PTK2: variants seen among roughly 807,000 people sequenced by gnomAD.
The protein encoded by PTK2 is focal adhesion kinase 1.
Under a neutral mutation model 150.1 loss-of-function variants are expected in PTK2, and 45 were observed. That is an observed-to-expected ratio of 0.30 (90% confidence interval 0.24 to 0.38). The LOEUF is 0.38. PTK2 is among the 10% of genes least tolerant of loss of function. The probability of loss-of-function intolerance (pLI) is 1.00; values close to 1 mark genes in which losing one functional copy is unlikely to be tolerated. For missense variants in PTK2, 919 were observed against 1,307.3 expected, an observed-to-expected ratio of 0.70 and a Z score of 4.58; for synonymous variants, 432 against 449.2, an observed-to-expected ratio of 0.96 and a Z score of 0.48.
chr8:140,970,921 T>C (rs2100187034), intron 1 of PTK2, among the ~76,000 whole-genome samples: 1 of 151,856 alleles, frequency 6.6e-6, no homozygotes, highest in Non-Finnish European at 1.5e-5. Context: ...AAAAACTTGC[T>C]TAAGACTATA....
intron 1 of PTK2, among the ~76,000 whole-genome samples, chr8:140,961,016 T>C (rs914497019): frequency 6.6e-6 from 1 of 152,192 alleles, no homozygotes; most frequent in African/African-American, 2.4e-5. Flanking sequence ...AAAGAGCACT[T>C]TTCCTTGGAA....
At chr8:140,712,682 C>T (rs537246501) in intron 23 of PTK2, among the ~76,000 whole-genome samples, 1 of 152,250 alleles carries the variant, frequency 6.6e-6, no homozygotes, top group South Asian at 2.1e-4. Context: ...TATAGAGATC[C>T]TCCCAATGTT....
At chr8:140,702,128 C>CAAAAA (rs749591009) in intron 25 of PTK2, among the ~76,000 whole-genome samples, 15 of 42,718 alleles carry the variant, frequency 3.5e-4, no homozygotes, top group Admixed American at 4.7e-4. Context: ...ACTCTGTCTC[C>CAAAAA]AAAAAAAAAA....
intron 23 of PTK2, among the ~76,000 whole-genome samples, chr8:140,714,251 A>G (rs541215939): frequency 3.9e-5 from 6 of 152,162 alleles, no homozygotes; most frequent in Non-Finnish European, 8.8e-5. Context: ...TATAAAACTT[A>G]CAAAACTTTT....
Position 140,783,888 on chromosome 8 carries a change from G to C in PTK2, c.1177+5586C>G, listed in dbSNP as rs143420893. Among the ~76,000 whole-genome samples the C allele has an allele frequency of 2.2e-3, 340 of 152,290 alleles. 2 individuals are homozygous for C. Among genetic ancestry groups the C allele is most frequent in the African/African-American group, 7.6e-3 (314 of 41,554 alleles). On this transcript the variant is annotated intron_variant, in intron 14 of 31. Coordinates refer to ENST00000522684, the Ensembl canonical transcript of PTK2. ...AAAGTATCACAAAGGGCCAGGCGTGGTGGCTCACGACTAATTTTAATTCCA... is the reference window on the plus strand; with the variant it reads ...AAAGTATCACAAAGGGCCAGGCGTGCTGGCTCACGACTAATTTTAATTCCA...
At chr8:140,701,843 A>G (rs569069095) in intron 25 of PTK2, among the ~76,000 whole-genome samples, 76 of 152,156 alleles carry the variant, frequency 5.0e-4, no homozygotes, top group African/African-American at 1.8e-3. Flanking sequence ...TCATTAAAAT[A>G]TGACCGGGTG....
At chr8:140,684,817 C>T (rs1390538458) in intron 27 of PTK2, among the ~76,000 whole-genome samples, 4 of 152,084 alleles carry the variant, frequency 2.6e-5, no homozygotes, top group South Asian at 2.1e-4. Flanking sequence ...ATGGTCATAC[C>T]GCCCAAAGCT....
At position 140,995,253 on chromosome 8, in the gene PTK2, C is replaced by T. The variant is rs1373786952; in HGVS notation, c.-122+5872G>A. Among the ~76,000 whole-genome samples the T allele has an allele frequency of 2.6e-5, 4 of 151,638 alleles. No homozygotes were observed. The South Asian group carries it at 8.4e-4, about 32-fold the overall frequency. On this transcript the variant is annotated intron_variant, in intron 1 of 31. Coordinates refer to ENST00000522684, the Ensembl canonical transcript of PTK2. ...AAAAAATTAGCCAGGCATGGTGGCA[C>T]GTGCCTGTAGTCCCAGCTACTCCAG...
chr8:140,778,697 G>A (rs1390409958), intron 14 of PTK2, among the ~76,000 whole-genome samples: 1 of 152,190 alleles, frequency 6.6e-6, no homozygotes, highest in Non-Finnish European at 1.5e-5. Context: ...CCAAACAAAC[G>A]AGTAGGGCAG....
At chr8:141,000,290 T>A (rs1158335316) in intron 1 of PTK2, among the ~76,000 whole-genome samples, 1 of 152,168 alleles carries the variant, frequency 6.6e-6, no homozygotes, top group Non-Finnish European at 1.5e-5. Flanking sequence ...CAGTGAGGGC[T>A]CCAGGGCTCC....
At chr8:140,823,751 A>G (rs937227158) in intron 8 of PTK2, among the ~76,000 whole-genome samples, 4 of 152,240 alleles carry the variant, frequency 2.6e-5, no homozygotes, top group African/African-American at 9.6e-5. Context: ...AGTCCCACCC[A>G]GTTCAGATTC....
intron 26 of PTK2, among the ~76,000 whole-genome samples, chr8:140,687,612 T>C (rs1241916753): frequency 6.6e-6 from 1 of 152,210 alleles, no homozygotes; most frequent in African/African-American, 2.4e-5. Flanking sequence ...ACTTGTTGGG[T>C]GGGGGATGGA....
At chr8:140,965,226 T>G (rs2100184830) in intron 1 of PTK2, among the ~76,000 whole-genome samples, 1 of 152,218 alleles carries the variant, frequency 6.6e-6, no homozygotes, top group African/African-American at 2.4e-5. Context: ...AATCCTACAC[T>G]CTGGCAAAAC....
At chr8:140,924,673 T>C (rs1465983317) in intron 2 of PTK2, among the ~76,000 whole-genome samples, 1 of 152,168 alleles carries the variant, frequency 6.6e-6, no homozygotes, top group Non-Finnish European at 1.5e-5. Context: ...TACATACTTA[T>C]TGAATGAATA....
At chr8:141,000,126 C>CACACACACACACACACA (rs1555522723) in intron 1 of PTK2, among the ~76,000 whole-genome samples, 33 of 142,728 alleles carry the variant, frequency 2.3e-4, no homozygotes, top group East Asian at 4.0e-4. Context: ...CACACACACA[C>CACACACACACACACACA]CCCTTCTTCT....
At chr8:140,664,178 T>G (rs984843611) in intron 31 of PTK2, among the ~76,000 whole-genome samples, 1 of 152,154 alleles carries the variant, frequency 6.6e-6, no homozygotes, top group East Asian at 1.9e-4. Flanking sequence ...GAGATGGAGT[T>G]TCATCATGTT....
chr8:140,718,042 G>A (rs1419529579), intron 22 of PTK2: 2 of 257,166 alleles, frequency 7.8e-6, no homozygotes, highest in East Asian at 7.9e-5. Flanking sequence ...GAATTCCTCT[G>A]AGAAATCCCA....
At chr8:140,818,244 C>G in intron 10 of PTK2, 33 bp downstream of exon 10, 1 of 1,554,964 alleles carries the variant, frequency 6.4e-7, no homozygotes, top group Non-Finnish European at 8.9e-7. Context: ...CTTTGTGTAA[C>G]GCCAAGTTCC....
chr8:140,970,043 C>G (rs2100186700), intron 1 of PTK2, among the ~76,000 whole-genome samples: 1 of 152,230 alleles, frequency 6.6e-6, no homozygotes, highest in African/African-American at 2.4e-5. Flanking sequence ...AAACTAAGAC[C>G]TAGATAGAGC....
Sources: gnomAD v4.1 joint callset for allele counts (sites outside exome capture counted in the v4.1 genomes callset) on GRCh38, gnomAD v4.1.1 for gene constraint, MANE v1.5 for transcripts, NCBI Gene and HGNC (gene_info 2026-07-23, HGNC 2026-07-21) for gene names.